Variants in SLCO4A1 observed in about 807,000 individuals in gnomAD.
The protein encoded by SLCO4A1 is colon organic anion transporter.
In SLCO4A1, 51 loss-of-function variants were observed where a neutral mutation model predicts 64.6. That is an observed-to-expected ratio of 0.79 (90% CI 0.63 to 1.00). SLCO4A1 has a LOEUF of 1.00. Among genes scored for constraint, SLCO4A1 ranks in the 50% least tolerant of loss-of-function variants. The pLI, the probability that SLCO4A1 is intolerant of heterozygous loss-of-function variation, is 0.00. For missense variants in SLCO4A1, 919 were observed against 980.5 expected (o/e 0.94, Z 0.84); for synonymous variants, 471 against 444.9 (o/e 1.06, Z -0.74).
At chr20:62,688,138 A>G (rs900961970), downstream of SLCO4A1, among the ~76,000 whole-genome samples, 2 of 152,154 alleles carry the variant, frequency 1.3e-5, no homozygotes, top group African/African-American at 4.8e-5. Flanking sequence ...ACACACGTGC[A>G]CACATACATA....
chr20:62,660,691 C>T (rs1037086820), intron 4 of SLCO4A1, among the ~76,000 whole-genome samples, 158 bp downstream of exon 4: 6 of 152,226 alleles, frequency 3.9e-5, no homozygotes, highest in Admixed American at 6.5e-5. Context: ...GGTGGAGAGA[C>T]GCCTCCTGGC....
At chr20:62,655,111 T>G (rs2147073875) in intron 1 of SLCO4A1, among the ~76,000 whole-genome samples, 1 of 152,366 alleles carries the variant, frequency 6.6e-6, no homozygotes, top group South Asian at 2.1e-4. Context: ...CCAAGACAGC[T>G]TCTTTTAGGG....
chr20:62,675,743 G>A (rs1000365844), downstream of SLCO4A1, among the ~76,000 whole-genome samples: 1 of 152,226 alleles, frequency 6.6e-6, no homozygotes, highest in Non-Finnish European at 1.5e-5. Context: ...CCAGCCTGGT[G>A]GGCACATGGG....
intron 1 of SLCO4A1, among the ~76,000 whole-genome samples, chr20:62,652,581 G>T (rs1294931034): frequency 6.6e-6 from 1 of 152,220 alleles, no homozygotes; most frequent in Admixed American, 6.5e-5. Flanking sequence ...GTGGCTCGTG[G>T]GTGGCCGTGG....
At chr20:62,665,222 A>T in intron 6 of SLCO4A1, 134 bp downstream of exon 6, 102 of 970,916 alleles carry the variant, frequency 1.1e-4, no homozygotes, top group East Asian at 4.1e-4. Flanking sequence ...CTGCCAGAGC[A>T]GGTGTGGAGA....
downstream of SLCO4A1, among the ~76,000 whole-genome samples, chr20:62,675,296 G>C (rs1987537139): frequency 1.3e-5 from 2 of 152,156 alleles, no homozygotes; most frequent in Admixed American, 6.5e-5. Flanking sequence ...GATGGATGAG[G>C]CCACCAAGCC....
At chr20:62,687,408 C>T (rs944699959), downstream of SLCO4A1, among the ~76,000 whole-genome samples, 2 of 152,268 alleles carry the variant, frequency 1.3e-5, no homozygotes, top group Non-Finnish European at 2.9e-5. Context: ...AGCCAGCAGG[C>T]CAAGGAGGCG....
chr20:62,669,134 C>T (rs1569147547), intron 11 of SLCO4A1, 56 bp downstream of exon 11: 13 of 1,539,830 alleles, frequency 8.4e-6, no homozygotes, highest in Middle Eastern at 1.7e-4. Flanking sequence ...CTGGGGGCTC[C>T]GAACATGCCG....
downstream of SLCO4A1, among the ~76,000 whole-genome samples, chr20:62,687,200 G>GCGCCCC (rs1988094928): frequency 6.6e-6 from 1 of 151,568 alleles, no homozygotes; most frequent in African/African-American, 2.4e-5. Context: ...GATGGAAAGG[G>GCGCCCC]CACCCCCAAA....
chr20:62,660,517 C>A lies in SLCO4A1; in HGVS notation c.993C>A (p.Tyr331Ter), dbSNP rs995783415. The A allele has an allele frequency of 6.2e-7, 1 of 1,605,460 alleles. No homozygotes were observed. The highest frequency in any genetic ancestry group is 1.7e-5 in the Admixed American group (1 of 60,026). Residue 331 changes from tyrosine (Y) to a stop codon, truncating the protein, a stop_gained, in exon 4 of 12, where the codon TAC becomes TAA. Transcript: ENST00000217159. LOFTEE classifies it high-confidence loss of function. ...AFFTAVPILG[Y>*]PRQLPGSQRY... is the part of the protein sequence containing the mutation. The stretch of plus-strand genomic sequence containing the variant: ...TCACCGCCGTTCCCATCCTTGGTTA[C>A]CCTCGGCAGCTGCCAGGTGGGTTTC...
At chr20:62,672,591 G>A (rs867536464), downstream of SLCO4A1, 3 of 152,258 alleles carry the variant, frequency 2.0e-5, no homozygotes, top group Non-Finnish European at 4.4e-5. Flanking sequence ...ATATAAACGT[G>A]TCACAGTAAA....
downstream of SLCO4A1, among the ~76,000 whole-genome samples, chr20:62,674,954 G>A (rs928738562): frequency 2.0e-5 from 3 of 152,176 alleles, no homozygotes; most frequent in Non-Finnish European, 4.4e-5. Flanking sequence ...TGTTTGAGCC[G>A]CCAAGCTATG....
chr20:62,668,332 G>GTCTCTGA, intron 9 of SLCO4A1, 145 bp from the exon 10 acceptor site: 1 of 1,256,706 alleles, frequency 8.0e-7, no homozygotes. Context: ...AGACCTCACT[G>GTCTCTGA]TCTCTGATCT....
Position 62,645,739 on chromosome 20 carries a change from C to T in SLCO4A1, c.-97+3186C>T, listed in dbSNP as rs1484950935. ...GAGACTTGGCACCAGTGGCTGGGGT[C>T]GCTTTTGGGTGCCAGAGAGCCCAGA... On this transcript the variant is annotated intron_variant, in intron 1 of 11. Transcript: ENST00000217159. This position sits in a 1 kb window ranked among gnomAD's most constrained non-coding sequence, Gnocchi z 4.2. Among the ~76,000 whole-genome samples, 1 of 151,910 alleles carries T rather than the reference C, an allele frequency of 6.6e-6. No individual in the cohort carries two copies. Among genetic ancestry groups the T allele is most frequent in the Non-Finnish European group, 1.5e-5 (1 of 67,982 alleles).
chr20:62,676,240 C>A (rs118096900), downstream of SLCO4A1, among the ~76,000 whole-genome samples: 4,616 of 151,964 alleles, frequency 0.03, 93 homozygotes, highest in South Asian at 0.076. Flanking sequence ...CGTAGCGAAA[C>A]CCTGTCTCTG....
intron 10 of SLCO4A1, 77 bp downstream of exon 10, chr20:62,668,618 C>A (rs1986810334): frequency 7.4e-7 from 1 of 1,351,990 alleles, no homozygotes; most frequent in Non-Finnish European, 1.1e-6. Context: ...AGTGTCTAAC[C>A]ACCAAGGGGA....
intron 1 of SLCO4A1, among the ~76,000 whole-genome samples, chr20:62,652,478 C>CGGCTT (rs1569121614): frequency 6.6e-6 from 1 of 152,134 alleles, no homozygotes; most frequent in Non-Finnish European, 1.5e-5. Flanking sequence ...CTTGCTCCTC[C>CGGCTT]GGCTTTTCCG....
At chr20:62,674,855 C>T (rs1193948303), downstream of SLCO4A1, among the ~76,000 whole-genome samples, 1 of 152,150 alleles carries the variant, frequency 6.6e-6, no homozygotes, top group African/African-American at 2.4e-5. Context: ...AGAAGACAGC[C>T]GTCTGCAGAC....
At chr20:62,666,260 A>G in intron 6 of SLCO4A1, 120 bp from the exon 7 acceptor site, 1 of 777,502 alleles carries the variant, frequency 1.3e-6, no homozygotes, top group Non-Finnish European at 2.1e-6. Flanking sequence ...CCATGCAGGC[A>G]GGAATTGATC....
Sources: gnomAD v4.1 joint callset for allele counts (sites outside exome capture counted in the v4.1 genomes callset) on GRCh38, gnomAD v4.1.1 for gene constraint, Gnocchi (gnomAD v3.1) non-coding constraint, MANE v1.5 for transcripts, NCBI Gene and HGNC (gene_info 2026-07-23, HGNC 2026-07-21) for gene names.